WDPCP: variants seen among roughly 807,000 people sequenced by gnomAD.
WDPCP encodes the protein WD repeat-containing and planar cell polarity effector protein fritz homolog.
Under a neutral mutation model 93.1 loss-of-function variants are expected in WDPCP, and 71 were observed. The ratio of observed to expected loss-of-function variants is 0.76; its 90% confidence interval spans 0.63 to 0.93. The LOEUF is 0.93. Ranked by LOEUF, WDPCP falls within the 40% of genes least tolerant of loss-of-function variation. WDPCP has a pLI of 0.00. For missense variants in WDPCP, 844 were observed against 887.4 expected (o/e 0.95, Z 0.62); for synonymous variants, 315 against 315.0 (o/e 1.00, Z 0.00).
At chr2:63,291,651 A>G (rs1298811106) in intron 13 of WDPCP, among the ~76,000 whole-genome samples, 2 of 152,150 alleles carry the variant, frequency 1.3e-5, no homozygotes, top group African/African-American at 4.8e-5. Context: ...TCTACTAAAA[A>G]TACAAAAATT....
chr2:63,323,062 G>T (rs943144383), intron 12 of WDPCP, among the ~76,000 whole-genome samples: 1 of 152,136 alleles, frequency 6.6e-6, no homozygotes, highest in Non-Finnish European at 1.5e-5. Flanking sequence ...TCTGGACTGA[G>T]CCCAGGGTCG....
Position 63,404,529 on chromosome 2 carries a change from G to T in WDPCP, c.954C>A (p.Ile318=). 6.2e-7 allele frequency: 1 copy of T among 1,613,630 alleles called. No individual in the cohort carries two copies. Among genetic ancestry groups the T allele is most frequent in the Admixed American group, 1.7e-5 (1 of 59,976 alleles). ...VDKEPMADSC[I]YECIRNKIQC... is the part of the protein sequence containing the mutation. ...GGATTTTATTCCGAATGCATTCATA[G>T]ATGCAGCTGTCAGCCATGGGCTCTT... Residue 318 remains isoleucine (I), a synonymous_variant, in exon 10 of 18, where the codon ATC becomes ATA. Coordinates refer to ENST00000272321, the MANE Select transcript of WDPCP (RefSeq NM_015910.7).
intron 14 of WDPCP, among the ~76,000 whole-genome samples, chr2:63,209,146 C>CA (rs1676563664): frequency 6.6e-6 from 1 of 152,248 alleles, no homozygotes; most frequent in African/African-American, 2.4e-5. Flanking sequence ...AGGCTGCCTC[C>CA]ATCCCACTCC....
intron 2 of WDPCP, among the ~76,000 whole-genome samples, chr2:63,488,227 A>G (rs976237236): frequency 3.3e-5 from 5 of 152,126 alleles, no homozygotes; most frequent in African/African-American, 7.2e-5. Context: ...GTTTTCTTCA[A>G]TGCAAAATAA....
At chr2:63,585,993 A>G (rs1708823929) in intron 1 of WDPCP, among the ~76,000 whole-genome samples, 1 of 151,986 alleles carries the variant, frequency 6.6e-6, no homozygotes, top group African/African-American at 2.4e-5. Flanking sequence ...CACTCAGCTA[A>G]TTTTTTAAAA....
chr2:63,166,613 G>A (rs1260221570), intron 15 of WDPCP, among the ~76,000 whole-genome samples: 2 of 148,710 alleles, frequency 1.3e-5, no homozygotes, highest in Non-Finnish European at 3.0e-5. Flanking sequence ...AGCTGGTCTC[G>A]AACTCCTGGC....
chr2:63,454,637 A>C (rs1401729514), intron 6 of WDPCP, among the ~76,000 whole-genome samples: 2 of 152,202 alleles, frequency 1.3e-5, no homozygotes, highest in East Asian at 3.8e-4. Flanking sequence ...GAAAGTTCAA[A>C]AACTTACTTA....
intron 14 of WDPCP, among the ~76,000 whole-genome samples, chr2:63,222,875 A>G (rs983875392): frequency 6.6e-6 from 1 of 152,164 alleles, no homozygotes; most frequent in Non-Finnish European, 1.5e-5. Flanking sequence ...GTACATATAC[A>G]TGTGTTCATT....
chr2:63,136,492 CT>C (rs946473985), intron 17 of WDPCP, among the ~76,000 whole-genome samples: 10 of 152,042 alleles, frequency 6.6e-5, no homozygotes, highest in Admixed American at 2.0e-4. Context: ...TAATAGAACA[CT>C]TAAGATGGGT....
At chr2:63,425,935 C>T (rs1051762047) in intron 9 of WDPCP, among the ~76,000 whole-genome samples, 2 of 152,128 alleles carry the variant, frequency 1.3e-5, no homozygotes, top group Admixed American at 6.6e-5. Context: ...TCAGATTGCC[C>T]AAAGTCAACA....
In WDPCP at chr2:63,636,048, A is replaced by C. The variant is rs563593171; in HGVS notation, n.488+14611T>G. Among the ~76,000 whole-genome samples the C allele has an allele frequency of 9.2e-5, 14 of 152,346 alleles. No individual in the cohort carries two copies. In the East Asian group the frequency reaches 2.7e-3, roughly 29 times the overall value. ...TCAACATATTAATATCAGTTGTATC[A>C]GTTTCTACATTTCAACAAGGAACTA... is the stretch of plus-strand genomic sequence containing the variant. On this transcript the variant is annotated intron_variant and non_coding_transcript_variant, in intron 3 of 4. Transcript: ENST00000467687.
chr2:63,167,186 A>G (rs1387669417), intron 15 of WDPCP, among the ~76,000 whole-genome samples: 1 of 152,230 alleles, frequency 6.6e-6, no homozygotes, highest in East Asian at 1.9e-4. Flanking sequence ...ACAGAGTTAA[A>G]TAGTTGCAGC....
chr2:63,717,296 T>C, intron 2 of WDPCP: 3 of 541,162 alleles, frequency 5.5e-6, no homozygotes, highest in Admixed American at 2.0e-5. Context: ...CATGGCAAGA[T>C]GGTGGCAGGC....
At chr2:63,139,139 G>T (rs1422428381) in intron 17 of WDPCP, among the ~76,000 whole-genome samples, 1 of 147,670 alleles carries the variant, frequency 6.8e-6, no homozygotes, top group Non-Finnish European at 1.5e-5. Flanking sequence ...ATACATGTAT[G>T]TGTGTGTATA....
chr2:63,635,199 A>G (rs560664842), intron 3 of WDPCP, among the ~76,000 whole-genome samples: 1 of 152,086 alleles, frequency 6.6e-6, no homozygotes, highest in Non-Finnish European at 1.5e-5. Context: ...CTGAATAGAC[A>G]TAAATAATAA....
At chr2:63,295,518 A>T (rs553961332) in intron 13 of WDPCP, among the ~76,000 whole-genome samples, 1 of 143,398 alleles carries the variant, frequency 7.0e-6, no homozygotes, top group South Asian at 2.3e-4. Flanking sequence ...ACAGACTTTA[A>T]ATTTAAAAAG....
At chr2:63,560,788 C>T (rs1706546727) in intron 1 of WDPCP, among the ~76,000 whole-genome samples, 1 of 152,112 alleles carries the variant, frequency 6.6e-6, no homozygotes, top group South Asian at 2.1e-4. Flanking sequence ...ATAATGAGAA[C>T]ACATGGACAC....
At chr2:63,327,845 A>T (rs1016599788) in intron 12 of WDPCP, among the ~76,000 whole-genome samples, 1 of 152,138 alleles carries the variant, frequency 6.6e-6, no homozygotes, top group Non-Finnish European at 1.5e-5. Flanking sequence ...ATGGTCTTAC[A>T]AATGGAACCC....
chr2:63,550,694 C>A (rs551888929), intron 1 of WDPCP, among the ~76,000 whole-genome samples: 2 of 147,986 alleles, frequency 1.4e-5, no homozygotes, highest in Non-Finnish European at 3.0e-5. Context: ...TATACATACA[C>A]ATACATATAC....
Sources: gnomAD v4.1 joint callset for allele counts (sites outside exome capture counted in the v4.1 genomes callset) on GRCh38, gnomAD v4.1.1 for gene constraint, MANE v1.5 for transcripts, NCBI Gene and HGNC (gene_info 2026-07-23, HGNC 2026-07-21) for gene names.